The following SLC24A2 variants were observed in gnomAD, a reference collection of about 807,000 sequenced individuals.
SLC24A2 encodes the protein solute carrier family 24 member 2, also known as sodium/potassium/calcium exchanger 2.
A neutral mutation model predicts 62.0 loss-of-function variants in SLC24A2; 36 were observed. The observed-to-expected ratio is 0.58, with a 90% CI of 0.44 to 0.77. SLC24A2 has a LOEUF of 0.77. SLC24A2 is among the 30% of genes least tolerant of loss of function. The pLI is 0.00. For missense variants in SLC24A2, 846 were observed against 817.9 expected, an observed-to-expected ratio of 1.03 and a Z score of -0.42; for synonymous variants, 358 against 294.0, an observed-to-expected ratio of 1.22 and a Z score of -2.23.
chr9:20,142,391 A>T, the SLC24A2 span, among the ~76,000 whole-genome samples: 4 of 152,134 alleles, frequency 2.6e-5, no homozygotes, highest in African/African-American at 9.7e-5. Flanking sequence ...CTGTTTTCAG[A>T]CATGGACATA....
At chr9:20,045,300 C>A in the SLC24A2 span, among the ~76,000 whole-genome samples, 3 of 152,194 alleles carry the variant, frequency 2.0e-5, no homozygotes, top group Non-Finnish European at 4.4e-5. Context: ...TCTCAGAGAG[C>A]GTGTACAAAG....
At chr9:20,305,920 T>C in the SLC24A2 span, among the ~76,000 whole-genome samples, 6 of 152,318 alleles carry the variant, frequency 3.9e-5, no homozygotes, top group East Asian at 3.9e-4. Context: ...CCTTGACTTA[T>C]AGATGGCCAT....
the SLC24A2 span, among the ~76,000 whole-genome samples, chr9:19,897,868 C>T: frequency 2.0e-5 from 3 of 152,158 alleles, no homozygotes; most frequent in Non-Finnish European, 4.4e-5. Context: ...TCCATTGTTC[C>T]AGGCTGCTTT....
In SLC24A2 at chr9:19,741,499, A is replaced by G. The variant is rs1821677507; in HGVS notation, c.930+44438T>C. Among the ~76,000 whole-genome samples the G allele has an allele frequency of 2.0e-5, 3 of 152,172 alleles. No individual in the cohort carries two copies. The South Asian group carries it at 6.2e-4, about 32-fold the overall frequency. On this transcript the variant is annotated intron_variant, in intron 2 of 10. Coordinates refer to ENST00000341998, the MANE Select transcript of SLC24A2 (RefSeq NM_020344.4). ...CACTCTCTGCTCCAAGTACCAGCTG[A>G]GCAGCTCCCTCCTCAAGTTTCCATG...
the SLC24A2 span, among the ~76,000 whole-genome samples, chr9:19,866,076 T>C: frequency 0.012 from 1,881 of 152,268 alleles, 32 homozygotes; most frequent in Admixed American, 0.054. Context: ...TACATACATA[T>C]GGCAAACAGA....
At chr9:19,813,317 CTTTTTT>C in the SLC24A2 span, among the ~76,000 whole-genome samples, 167 of 86,282 alleles carry the variant, frequency 1.9e-3, no homozygotes, top group African/African-American at 5.7e-3. Flanking sequence ...TCATCTTCCT[CTTTTTT>C]TTTTTTTTTT....
chr9:19,861,381 G>A, the SLC24A2 span, among the ~76,000 whole-genome samples: 4 of 152,150 alleles, frequency 2.6e-5, no homozygotes, highest in African/African-American at 4.8e-5. Flanking sequence ...AGCACTACTG[G>A]GCTTGGGGTC....
chr9:20,159,210 A>G, the SLC24A2 span, among the ~76,000 whole-genome samples: 61,564 of 151,546 alleles, frequency 0.41, 14,239 homozygotes, highest in East Asian at 0.87. Context: ...ATACACACGA[A>G]CCATTCCTGA....
At chr9:20,059,192 C>T in the SLC24A2 span, among the ~76,000 whole-genome samples, 822 of 152,278 alleles carry the variant, frequency 5.4e-3, 26 homozygotes, top group East Asian at 0.073. Flanking sequence ...GATTATCCAG[C>T]TTGGCGAGTG....
At chr9:20,225,061 C>T in the SLC24A2 span, among the ~76,000 whole-genome samples, 4 of 152,126 alleles carry the variant, frequency 2.6e-5, no homozygotes, top group Admixed American at 6.5e-5. Context: ...TAGCTCTTTC[C>T]TCTATTCTGT....
Position 19,624,341 on chromosome 9 carries a change from G to C in SLC24A2, c.931-2042C>G, listed in dbSNP as rs566603141. On this transcript the variant is annotated intron_variant, in intron 2 of 10. Transcript: ENST00000341998. ...ACATGAAGGAACAGGATGAAAGCAGGGAGAGAAAAAGGTGGGCTTTATAAG... is the reference window on the plus strand; with the variant it reads ...ACATGAAGGAACAGGATGAAAGCAGCGAGAGAAAAAGGTGGGCTTTATAAG... Among the ~76,000 whole-genome samples the C allele has an allele frequency of 2.6e-5, 4 of 152,184 alleles. No individual in the cohort carries two copies. In the East Asian group the frequency reaches 7.7e-4, roughly 29 times the overall value.
At chr9:19,879,058 C>T in the SLC24A2 span, among the ~76,000 whole-genome samples, 4 of 152,174 alleles carry the variant, frequency 2.6e-5, no homozygotes, top group Non-Finnish European at 5.9e-5. Flanking sequence ...TGCAATTAGA[C>T]ATTCTGTCTC....
rs749916427 is a variant in SLC24A2, at chr9:19,516,259, C to A, written c.1880G>T (p.Arg627Leu). The change falls in exon 11 of 11, where the codon CGA becomes CTA. Residue 627 changes from arginine (R) to leucine (L), a missense_variant. Coordinates refer to ENST00000341998, the MANE Select transcript of SLC24A2 (RefSeq NM_020344.4). ...GATGAAGCCCAGGATTTTGTTCATT[C>A]GCCACTTGCAGAGGGCGATAGAGAG... ...VILSIALCKWRMNKILGFIMF... is the reference protein window; with the variant it reads ...VILSIALCKWLMNKILGFIMF... 6.2e-7 allele frequency: 1 copy of A among 1,614,118 alleles called. No individual in the cohort carries two copies. Among genetic ancestry groups the A allele is most frequent in the Admixed American group, 1.7e-5 (1 of 60,008 alleles).
At chr9:19,956,624 TG>T in the SLC24A2 span, among the ~76,000 whole-genome samples, 1 of 152,118 alleles carries the variant, frequency 6.6e-6, no homozygotes, top group African/African-American at 2.4e-5. Context: ...AGAGAGAGCT[TG>T]TGAAGGGAAA....
chr9:19,845,803 A>G, the SLC24A2 span, among the ~76,000 whole-genome samples: 1 of 151,826 alleles, frequency 6.6e-6, no homozygotes, highest in African/African-American at 2.4e-5. Flanking sequence ...GGTTTCATTT[A>G]TTTCATATAA....
the SLC24A2 span, among the ~76,000 whole-genome samples, chr9:20,291,841 G>T: frequency 6.6e-6 from 1 of 152,112 alleles, no homozygotes; most frequent in African/African-American, 2.4e-5. Context: ...AAAGCAACAT[G>T]ATCAGAATGC....
chr9:19,937,358 C>T, the SLC24A2 span, among the ~76,000 whole-genome samples: 12 of 152,122 alleles, frequency 7.9e-5, no homozygotes, highest in East Asian at 1.9e-4. Flanking sequence ...ATGGTTTTCA[C>T]GTTTTGTTTT....
chr9:19,817,154 T>C, the SLC24A2 span, among the ~76,000 whole-genome samples: 1 of 152,070 alleles, frequency 6.6e-6, no homozygotes, highest in East Asian at 1.9e-4. Context: ...CGGTTTCATA[T>C]ATCAAAATGC....
At chr9:20,191,910 A>G in the SLC24A2 span, among the ~76,000 whole-genome samples, 2 of 152,178 alleles carry the variant, frequency 1.3e-5, no homozygotes, top group South Asian at 2.1e-4. Flanking sequence ...CAGTTCAAAC[A>G]TATTAGAGGA....
Sources: gnomAD v4.1 joint callset for allele counts (sites outside exome capture counted in the v4.1 genomes callset) on GRCh38, gnomAD v4.1.1 for gene constraint, MANE v1.5 for transcripts, NCBI Gene and HGNC (gene_info 2026-07-23, HGNC 2026-07-21) for gene names.